DEK: variants seen among roughly 807,000 people sequenced by gnomAD.
The protein encoded by DEK is DEK proto-oncogene, also known as protein DEK.
Under a neutral mutation model 46.8 loss-of-function variants are expected in DEK, and 28 were observed. That is an observed-to-expected ratio of 0.60 (90% confidence interval 0.44 to 0.82). The LOEUF is 0.82. DEK is among the 40% of genes least tolerant of loss of function. The pLI, the probability that DEK is intolerant of heterozygous loss-of-function variation, is 0.00. For missense variants in DEK, 416 were observed against 430.6 expected (o/e 0.97, Z 0.30); for synonymous variants, 160 against 144.5 (o/e 1.11, Z -0.77).
At chr6:18,245,525 A>C (rs1462808188) in intron 7 of DEK, among the ~76,000 whole-genome samples, 1 of 151,374 alleles carries the variant, frequency 6.6e-6, no homozygotes, top group African/African-American at 2.4e-5. Context: ...CTTTCGAGAT[A>C]CGTATGCGCT....
At chr6:18,262,294 C>CAAAAAAAAAA (rs528582239) in intron 2 of DEK, among the ~76,000 whole-genome samples, 19 of 108,532 alleles carry the variant, frequency 1.8e-4, no homozygotes, top group African/African-American at 6.2e-4. Context: ...TATAGTAACG[C>CAAAAAAAAAA]AAAAAAAAAA....
chr6:18,263,249 A>G (rs1354864818), intron 2 of DEK, among the ~76,000 whole-genome samples: 2 of 152,168 alleles, frequency 1.3e-5, no homozygotes, highest in Admixed American at 6.5e-5. Context: ...CTGGGCTCAC[A>G]TTTAACTTTC....
At chr6:18,257,891 A>T in intron 4 of DEK, 62 bp downstream of exon 4, 1 of 1,232,644 alleles carries the variant, frequency 8.1e-7, no homozygotes, top group South Asian at 1.4e-5. Flanking sequence ...ACTAACATTT[A>T]CAGAAATTGA....
rs1400853717 is a variant in DEK, at chr6:18,236,493, C to T, written c.1006G>A (p.Ala336Thr). Residue 336 changes from alanine (A) to threonine (T), a missense_variant, in exon 9 of 11, where the codon GCT (alanine) becomes ACT (threonine). By Grantham distance (58) the Ala-to-Thr change is moderately conservative (BLOSUM62 0). Transcript: ENST00000652689. ...KETIKKLLAS[A>T]NLEEVTMKQI... ...TTCATTGTGACTTCTTCCAAGTTAGCACTGGCCAGTAATTTCTTTATTGTT... is the reference window on the plus strand; with the variant it reads ...TTCATTGTGACTTCTTCCAAGTTAGTACTGGCCAGTAATTTCTTTATTGTT... 9.9e-6 allele frequency: 16 copies of T among 1,609,830 alleles called. No individual in the cohort carries two copies. The highest frequency in any genetic ancestry group is 2.2e-5 in the South Asian group (2 of 90,288).
chr6:18,243,273 T>C (rs1476222039), intron 7 of DEK, among the ~76,000 whole-genome samples: 3 of 152,198 alleles, frequency 2.0e-5, no homozygotes, highest in Non-Finnish European at 4.4e-5. Context: ...TTGCAGTTGC[T>C]AATAAATGCT....
chr6:18,235,108 CCT>C (rs1790592204), intron 9 of DEK, among the ~76,000 whole-genome samples: 1 of 152,100 alleles, frequency 6.6e-6, no homozygotes, highest in Non-Finnish European at 1.5e-5. Context: ...GGGTGTCCTG[CCT>C]CTCTCATCTC....
At chr6:18,263,755 A>T (rs769243944) in intron 2 of DEK, 88 bp downstream of exon 2, 52 of 1,608,672 alleles carry the variant, frequency 3.2e-5, no homozygotes, top group Non-Finnish European at 4.1e-5. Context: ...TCTAAACACC[A>T]AAAGAGCAAG....
intron 3 of DEK, 117 bp from the exon 4 acceptor site, chr6:18,258,179 G>T: frequency 1.8e-6 from 2 of 1,088,460 alleles, no homozygotes; most frequent in Non-Finnish European, 1.3e-6. Flanking sequence ...CTCTTACAGA[G>T]CAAATTAAAT....
At chr6:18,255,910 C>G (rs1791573782) in intron 5 of DEK, 59 bp from the exon 6 acceptor site, 1 of 1,542,224 alleles carries the variant, frequency 6.5e-7, no homozygotes, top group Non-Finnish European at 8.6e-7. Context: ...CATATGTTCT[C>G]CACAATATAA....
intron 7 of DEK, chr6:18,244,594 A>G (rs190642180): frequency 2.3e-6 from 3 of 1,288,170 alleles, no homozygotes; most frequent in Non-Finnish European, 3.0e-6. Flanking sequence ...CTCACAGCAG[A>G]AAGGTTGTAC....
At chr6:18,226,547 G>T (rs1790131903) in intron 9 of DEK, among the ~76,000 whole-genome samples, 1 of 152,222 alleles carries the variant, frequency 6.6e-6, no homozygotes, top group Non-Finnish European at 1.5e-5. Context: ...GGGAAACCTA[G>T]GTGGGAAGAT....
chr6:18,235,731 C>A (rs912139366), intron 9 of DEK, among the ~76,000 whole-genome samples: 15 of 152,150 alleles, frequency 9.9e-5, no homozygotes, highest in Admixed American at 9.2e-4. Context: ...TCAAGCAGTC[C>A]TCCTGCCTCA....
intron 2 of DEK, among the ~76,000 whole-genome samples, chr6:18,261,577 A>C (rs1008477979): frequency 2.0e-5 from 3 of 152,046 alleles, no homozygotes; most frequent in Non-Finnish European, 4.4e-5. Flanking sequence ...GTTTCAAAAA[A>C]CAAACAAACA....
intron 2 of DEK, among the ~76,000 whole-genome samples, chr6:18,260,252 T>A (rs1213151351): frequency 6.6e-6 from 1 of 152,258 alleles, no homozygotes; most frequent in Non-Finnish European, 1.5e-5. Context: ...ATAGTTGTTA[T>A]ACTGTATTGT....
intron 9 of DEK, among the ~76,000 whole-genome samples, chr6:18,231,948 C>T (rs1200219120): frequency 1.3e-5 from 2 of 152,048 alleles, no homozygotes; most frequent in Non-Finnish European, 2.9e-5. Context: ...TGATGAACAT[C>T]GACGCAAAAA....
In DEK at chr6:18,255,860, G is replaced by T; in HGVS notation, c.453-9C>A. On this transcript the variant is annotated splice_polypyrimidine_tract_variant and intron_variant, in intron 5 of 10. Transcript: ENST00000652689. ...ACATGGCATTTCTAAATCTGAAACA[G>T]AAAATGGAAGAAACCAAGGTGTTAA... 1 of 1,593,326 alleles carries T rather than the reference G, an allele frequency of 6.3e-7. No homozygotes were observed.
intron 2 of DEK, among the ~76,000 whole-genome samples, chr6:18,261,184 C>A (rs989650039): frequency 2.0e-5 from 3 of 152,068 alleles, no homozygotes; most frequent in Admixed American, 2.0e-4. Flanking sequence ...GCCTTGGGAC[C>A]CCTCACCCCT....
intron 9 of DEK, among the ~76,000 whole-genome samples, chr6:18,228,733 G>A (rs945034914): frequency 1.4e-4 from 22 of 152,188 alleles, no homozygotes; most frequent in African/African-American, 4.6e-4. Flanking sequence ...TATATCCCGC[G>A]CCTGGCTCGG....
At chr6:18,248,029 TA>T (rs1393430373) in intron 7 of DEK, among the ~76,000 whole-genome samples, 1 of 152,192 alleles carries the variant, frequency 6.6e-6, no homozygotes, top group Non-Finnish European at 1.5e-5. Flanking sequence ...TTAGAAGTTT[TA>T]CTTGTCATAA....
Sources: allele counts gnomAD v4.1 joint callset (sites outside exome capture counted in the v4.1 genomes callset), GRCh38; gene constraint gnomAD v4.1.1; transcripts MANE v1.5; gene names NCBI Gene and HGNC (gene_info 2026-07-23, HGNC 2026-07-21).